Variants in MAF observed in about 807,000 individuals in gnomAD.
MAF encodes MAF bZIP transcription factor.
Under a neutral mutation model 22.0 loss-of-function variants are expected in MAF, and 10 were observed. The observed-to-expected ratio is 0.45, with a 90% CI of 0.28 to 0.77. MAF has a LOEUF of 0.77. MAF is among the 30% of genes least tolerant of loss of function. MAF has a pLI of 0.12. For missense variants in MAF, 544 were observed against 548.4 expected (o/e 0.99, Z 0.08); for synonymous variants, 337 against 255.8 (o/e 1.32, Z -3.03).
the MAF span, among the ~76,000 whole-genome samples, chr16:79,331,616 G>C: frequency 6.6e-6 from 1 of 152,100 alleles, no homozygotes; most frequent in African/African-American, 2.4e-5. Flanking sequence ...CCGCCTCCCT[G>C]TTTCCTCTGG....
the MAF span, among the ~76,000 whole-genome samples, chr16:79,360,525 G>T: frequency 6.6e-5 from 10 of 152,172 alleles, no homozygotes; most frequent in Admixed American, 5.9e-4. Flanking sequence ...TGTTAGGATT[G>T]TTGGGAGACA....
chr16:79,244,174 C>T, the MAF span, among the ~76,000 whole-genome samples: 1 of 152,066 alleles, frequency 6.6e-6, no homozygotes, highest in Non-Finnish European at 1.5e-5. Context: ...GATGACCTCT[C>T]TCATTGCTCC....
At chr16:79,363,964 T>C in the MAF span, among the ~76,000 whole-genome samples, 1 of 152,172 alleles carries the variant, frequency 6.6e-6, no homozygotes, top group African/African-American at 2.4e-5. Context: ...CTGGGACCTC[T>C]TCTGTGCAGT....
At chr16:79,211,884 C>G in the MAF span, 828 of 1,582,174 alleles carry the variant, frequency 5.2e-4, no homozygotes, top group Non-Finnish European at 6.4e-4. Context: ...CCAAATGTCC[C>G]TCCAACACAG....
chr16:79,321,481 G>A, the MAF span, among the ~76,000 whole-genome samples: 12 of 152,244 alleles, frequency 7.9e-5, no homozygotes, highest in Non-Finnish European at 4.4e-5. Context: ...CCCAGTCAGT[G>A]ACAGCTTCAC....
the MAF span, among the ~76,000 whole-genome samples, chr16:79,554,694 C>A: frequency 3.9e-5 from 6 of 152,180 alleles, 1 homozygote; most frequent in African/African-American, 1.4e-4. Flanking sequence ...TTCTAAAGGC[C>A]CAGAATTCTC....
At chr16:79,247,328 G>T in the MAF span, among the ~76,000 whole-genome samples, 1 of 152,170 alleles carries the variant, frequency 6.6e-6, no homozygotes, top group Non-Finnish European at 1.5e-5. Flanking sequence ...AATGAATATG[G>T]ATTTGATATC....
At chr16:79,215,913 C>T in the MAF span, among the ~76,000 whole-genome samples, 2 of 152,114 alleles carry the variant, frequency 1.3e-5, no homozygotes, top group African/African-American at 4.8e-5. Context: ...AGCGATTGCC[C>T]CCTCATGCCC....
At chr16:79,545,987 T>C in the MAF span, among the ~76,000 whole-genome samples, 2 of 152,252 alleles carry the variant, frequency 1.3e-5, no homozygotes, top group South Asian at 4.2e-4. Flanking sequence ...TTTCACAGTG[T>C]AAACATACTT....
At chr16:79,572,711 C>T in the MAF span, among the ~76,000 whole-genome samples, 1 of 152,160 alleles carries the variant, frequency 6.6e-6, no homozygotes, top group Non-Finnish European at 1.5e-5. Context: ...GCCTGACCTT[C>T]GAATTTCTTC....
At chr16:79,211,477 T>A in the MAF span, 1 of 1,178,602 alleles carries the variant, frequency 8.5e-7, no homozygotes, top group South Asian at 1.3e-5. Context: ...CCAGTACCCT[T>A]TGCTATGCCA....
the MAF span, among the ~76,000 whole-genome samples, chr16:79,271,091 T>G: frequency 7.6e-6 from 1 of 132,002 alleles, no homozygotes; most frequent in African/African-American, 2.9e-5. Flanking sequence ...TTATTTTTTA[T>G]TTTTAGTAGA....
chr16:79,366,996 ACTC>A, the MAF span, among the ~76,000 whole-genome samples: 6 of 151,908 alleles, frequency 3.9e-5, no homozygotes. Context: ...GTTGCTCCTA[ACTC>A]CTCATGAAAA....
At chr16:79,397,297 T>G in the MAF span, among the ~76,000 whole-genome samples, 1 of 152,308 alleles carries the variant, frequency 6.6e-6, no homozygotes, top group Non-Finnish European at 1.5e-5. Context: ...CGGGATCTCA[T>G]CAATGTGTGG....
chr16:79,247,958 G>A, the MAF span, among the ~76,000 whole-genome samples: 1 of 152,030 alleles, frequency 6.6e-6, no homozygotes, highest in Non-Finnish European at 1.5e-5. Context: ...TTCGGTTAAG[G>A]ACATCTTTTC....
At chr16:79,305,242 A>G in the MAF span, among the ~76,000 whole-genome samples, 7 of 152,290 alleles carry the variant, frequency 4.6e-5, no homozygotes, top group Admixed American at 2.0e-4. Context: ...TAAGGCCCTG[A>G]CGGTTCCCAC....
chr16:79,351,958 A>T, the MAF span, among the ~76,000 whole-genome samples: 1 of 152,144 alleles, frequency 6.6e-6, no homozygotes, highest in Non-Finnish European at 1.5e-5. Flanking sequence ...CAAGATAAGC[A>T]TGCCGGGACA....
chr16:79,572,857 T>C, the MAF span, among the ~76,000 whole-genome samples: 1 of 152,160 alleles, frequency 6.6e-6, no homozygotes, highest in Non-Finnish European at 1.5e-5. Flanking sequence ...AAACATGAAA[T>C]GTGTATAAAA....
chr16:79,547,886 G>A, the MAF span, among the ~76,000 whole-genome samples: 1 of 26,684 alleles, frequency 3.7e-5, no homozygotes, highest in African/African-American at 1.1e-4. Flanking sequence ...GTGTGCGTGT[G>A]TGTGTGTGTG....
Sources: allele counts gnomAD v4.1 joint callset (sites outside exome capture counted in the v4.1 genomes callset), GRCh38; gene constraint gnomAD v4.1.1; transcripts MANE v1.5; gene names NCBI Gene and HGNC (gene_info 2026-07-23, HGNC 2026-07-21).